Variants in OR9Q1 observed in about 807,000 individuals in gnomAD.
OR9Q1 encodes olfactory receptor family 9 subfamily Q member 1.
For missense variants in OR9Q1, 374 were observed against 378.8 expected (o/e 0.99, Z 0.11); for synonymous variants, 153 against 148.6 (o/e 1.03, Z -0.22).
intron 2 of OR9Q1, among the ~76,000 whole-genome samples, chr11:58,064,200 T>C (rs996785125): frequency 2.6e-5 from 4 of 152,226 alleles, no homozygotes; most frequent in African/African-American, 7.2e-5. Context: ...GCGCATACAC[T>C]GTGTCATTTC....
intron 2 of OR9Q1, among the ~76,000 whole-genome samples, chr11:58,158,893 G>A (rs1422929661): frequency 6.6e-6 from 1 of 152,212 alleles, no homozygotes; most frequent in Non-Finnish European, 1.5e-5. Flanking sequence ...GCAGAGAGAA[G>A]CAGAAATGAG....
At chr11:58,076,670 A>G (rs2120031712) in intron 2 of OR9Q1, among the ~76,000 whole-genome samples, 1 of 152,304 alleles carries the variant, frequency 6.6e-6, no homozygotes, top group Non-Finnish European at 1.5e-5. Context: ...TCTTTTTTAT[A>G]GAGACGAGGT....
intron 2 of OR9Q1, among the ~76,000 whole-genome samples, chr11:58,141,586 A>G (rs1436996496): frequency 6.6e-6 from 1 of 152,188 alleles, no homozygotes; most frequent in Non-Finnish European, 1.5e-5. Flanking sequence ...ATCATGGTGG[A>G]TAAGCTTTTT....
In OR9Q1 at chr11:58,172,220, G is replaced by A. The variant is rs960073934; in HGVS notation, c.-14-7211G>A. On this transcript the variant is annotated intron_variant, in intron 2 of 2. Transcript: ENST00000335397. ...TGAGAAATTATATGTGAAATGCATG[G>A]CATATTCCCTGGCACTCAGTGGGCA... 1.6e-4 allele frequency among the ~76,000 whole-genome samples: 25 copies of A among 152,104 alleles called. 1 individual carries two copies. Among genetic ancestry groups the A allele is most frequent in the Admixed American group, 9.2e-4 (14 of 15,244 alleles).
intron 2 of OR9Q1, among the ~76,000 whole-genome samples, chr11:58,152,175 C>T (rs144568719): frequency 6.6e-6 from 1 of 152,164 alleles, no homozygotes; most frequent in African/African-American, 2.4e-5. Context: ...GCAGCTAGTT[C>T]TGGAAGCCAT....
chr11:58,125,237 C>T, intron 2 of OR9Q1: 1 of 72,732 alleles, frequency 1.4e-5, no homozygotes, highest in Non-Finnish European at 2.4e-5. Flanking sequence ...CCCTTACCCA[C>T]CGCCCCCCCC....
At chr11:58,048,677 A>ATATATATATATATATATATATAT (rs796426109) in intron 1 of OR9Q1, among the ~76,000 whole-genome samples, 3 of 109,824 alleles carry the variant, frequency 2.7e-5, no homozygotes, top group African/African-American at 1.1e-4. Flanking sequence ...CTTAAAAAAA[A>ATATATATATATATATATATATAT]AAATATATAT....
At chr11:58,176,025 G>A (rs1450501267) in intron 2 of OR9Q1, among the ~76,000 whole-genome samples, 1 of 152,122 alleles carries the variant, frequency 6.6e-6, no homozygotes, top group Non-Finnish European at 1.5e-5. Context: ...AAAAGGGAAA[G>A]ATTTTAATGA....
intron 1 of OR9Q1, among the ~76,000 whole-genome samples, chr11:58,036,420 CA>C (rs1417365455): frequency 6.6e-6 from 1 of 152,212 alleles, no homozygotes; most frequent in Non-Finnish European, 1.5e-5. Flanking sequence ...CCTAACATAA[CA>C]TCCATTCCAT....
intron 2 of OR9Q1, among the ~76,000 whole-genome samples, chr11:58,084,262 A>T (rs1230806681): frequency 1.3e-5 from 2 of 151,766 alleles, no homozygotes; most frequent in Non-Finnish European, 2.9e-5. Context: ...CCTAGCCTGG[A>T]TATTATTAGA....
chr11:58,087,363 C>T (rs774392289), intron 2 of OR9Q1, among the ~76,000 whole-genome samples: 6 of 151,778 alleles, frequency 4.0e-5, no homozygotes, highest in Non-Finnish European at 7.4e-5. Flanking sequence ...CCTTTATATA[C>T]CTGGAATCAT....
intron 2 of OR9Q1, among the ~76,000 whole-genome samples, chr11:58,081,463 G>A (rs1439987377): frequency 3.3e-5 from 5 of 152,034 alleles, no homozygotes; most frequent in African/African-American, 1.2e-4. Flanking sequence ...ATTTCTCCAT[G>A]TCCTCTCCAG....
intron 2 of OR9Q1, chr11:58,119,367 G>A (rs1854001127): frequency 6.2e-7 from 1 of 1,613,872 alleles, no homozygotes. Context: ...CCAGAAAGAG[G>A]GGAATCTCCA....
chr11:58,053,551 C>A lies in OR9Q1; in HGVS notation c.-92-2319C>A, dbSNP rs1246841141. On this transcript the variant is annotated intron_variant, in intron 1 of 2. Coordinates refer to ENST00000335397, the MANE Select transcript of OR9Q1 (RefSeq NM_001005212.4). ...CAGCATGGCACATGTATACATATGTCACTAACCTGCACATTGTGCACATGT... is the reference window on the plus strand; with the variant it reads ...CAGCATGGCACATGTATACATATGTAACTAACCTGCACATTGTGCACATGT... 1.2e-4 allele frequency among the ~76,000 whole-genome samples: 16 copies of A among 130,012 alleles called. No homozygotes were observed. In the East Asian group the frequency reaches 1.3e-3, roughly 10 times the overall value. The allele number at this position is 130,012 out of a possible 152,430, so 85.3% of individuals were successfully genotyped here. A position where few individuals can be genotyped will look rare whatever the true frequency, so the allele number is the denominator to read the frequency against.
intron 1 of OR9Q1, among the ~76,000 whole-genome samples, chr11:58,053,826 G>A (rs1378133869): frequency 6.6e-6 from 1 of 151,728 alleles, no homozygotes; most frequent in Admixed American, 6.6e-5. Flanking sequence ...AAGCAGAAAA[G>A]GGAGTTTGCA....
chr11:58,095,721 C>A (rs1482422389), intron 2 of OR9Q1, among the ~76,000 whole-genome samples: 1 of 152,140 alleles, frequency 6.6e-6, no homozygotes, highest in African/African-American at 2.4e-5. Context: ...CCTTGTCCCT[C>A]CCATGGCGAG....
chr11:58,124,624 TTTTA>T (rs1445057462), intron 2 of OR9Q1: 2 of 152,242 alleles, frequency 1.3e-5, no homozygotes, highest in Non-Finnish European at 2.9e-5. Context: ...CTTTAAAGGC[TTTTA>T]TTTCCTTTCA....
intron 2 of OR9Q1, among the ~76,000 whole-genome samples, chr11:58,110,114 G>C (rs185975671): frequency 6.6e-6 from 1 of 152,148 alleles, no homozygotes; most frequent in South Asian, 2.1e-4. Context: ...TGCCTCCAGG[G>C]TTGTCAGTGG....
rs567452505 is a variant in OR9Q1 at position 58,161,549 on chromosome 11, GT to G, written c.-14-17869del. Among the ~76,000 whole-genome samples the G allele has an allele frequency of 4.0e-3, 591 of 145,928 alleles. 5 individuals carry two copies. The highest frequency in any genetic ancestry group is 4.6e-3 in the Admixed American group (68 of 14,780). Reference sequence around the variant, plus strand: ...TTTTTGTTTTGCTCAGGCTTATTCTGTTTTTTTTTTTTTAGACAGAGCCTTA... The same window carrying G: ...TTTTTGTTTTGCTCAGGCTTATTCTGTTTTTTTTTTTTAGACAGAGCCTTA... On this transcript the variant is annotated intron_variant, in intron 2 of 2. Transcript: ENST00000335397.
Sources: gnomAD v4.1 joint callset for allele counts (sites outside exome capture counted in the v4.1 genomes callset) on GRCh38, gnomAD v4.1.1 for gene constraint, MANE v1.5 for transcripts, NCBI Gene and HGNC (gene_info 2026-07-23, HGNC 2026-07-21) for gene names.